IER3IP1: variants seen among roughly 807,000 people sequenced by gnomAD.
IER3IP1 encodes the protein immediate early response 3-interacting protein 1.
Under a neutral mutation model 12.2 loss-of-function variants are expected in IER3IP1, and 16 were observed. That is an observed-to-expected ratio of 1.31 (90% CI 0.89 to 1.99). The LOEUF is 1.99. Ranked by LOEUF, IER3IP1 falls within the 30% of genes most tolerant of loss-of-function variation. IER3IP1 has a pLI of 0.00. For synonymous variants in IER3IP1, 42 were observed against 40.0 expected (o/e 1.05, Z -0.19); for missense variants, 95 against 95.8 (o/e 0.99, Z 0.03).
At position 47,165,413 on chromosome 18, in the gene IER3IP1, C is replaced by T. The variant is rs118109096; in HGVS notation, c.92-7876G>A. On this transcript the variant is annotated intron_variant, in intron 1 of 2. Transcript: ENST00000256433. ...ACTAAAACTACTAAAATTATCTGGG[C>T]GTGGTAGCATGTGCCTGTAATCTCA... 3.1e-3 allele frequency among the ~76,000 whole-genome samples: 477 copies of T among 152,066 alleles called. 9 individuals carry two copies. The East Asian group carries it at 0.058, about 19-fold the overall frequency.
chr18:47,175,624 G>C (rs924573992), intron 1 of IER3IP1, among the ~76,000 whole-genome samples: 1 of 151,968 alleles, frequency 6.6e-6, no homozygotes, highest in South Asian at 2.1e-4. Context: ...CACCACGTCC[G>C]GCTAATCTTT....
chr18:47,174,696 C>T (rs2064026175), intron 1 of IER3IP1, among the ~76,000 whole-genome samples: 1 of 151,710 alleles, frequency 6.6e-6, no homozygotes, highest in South Asian at 2.1e-4. Flanking sequence ...GGTCTTCCCA[C>T]ATCCACTGCT....
chr18:47,159,716 T>C (rs2063973501), intron 1 of IER3IP1, among the ~76,000 whole-genome samples: 1 of 152,252 alleles, frequency 6.6e-6, no homozygotes, highest in African/African-American at 2.4e-5. Context: ...TAAGAGCTGG[T>C]TGGCTTTCTC....
chr18:47,175,434 C>T (rs2144442484), intron 1 of IER3IP1, among the ~76,000 whole-genome samples: 1 of 149,726 alleles, frequency 6.7e-6, no homozygotes, highest in South Asian at 2.2e-4. Context: ...GGTCACGCCT[C>T]CTTCCCCTCC....
At chr18:47,173,078 T>C (rs1376738303) in intron 1 of IER3IP1, among the ~76,000 whole-genome samples, 1 of 152,224 alleles carries the variant, frequency 6.6e-6, no homozygotes, top group Non-Finnish European at 1.5e-5. Context: ...CCCTAATTCG[T>C]GCTGCTGTTC....
At chr18:47,166,918 T>C (rs2063997772) in intron 1 of IER3IP1, among the ~76,000 whole-genome samples, 1 of 152,180 alleles carries the variant, frequency 6.6e-6, no homozygotes, top group Non-Finnish European at 1.5e-5. Context: ...TTCCCTTAAT[T>C]TGGAGACCAC....
At chr18:47,175,184 C>G (rs2064028334) in intron 1 of IER3IP1, among the ~76,000 whole-genome samples, 1 of 152,298 alleles carries the variant, frequency 6.6e-6, no homozygotes, top group East Asian at 1.9e-4. Flanking sequence ...AACGGGCATA[C>G]TTGGTACACA....
chr18:47,164,404 A>C (rs1463384573), intron 1 of IER3IP1, among the ~76,000 whole-genome samples: 3 of 152,220 alleles, frequency 2.0e-5, no homozygotes, highest in Non-Finnish European at 4.4e-5. Flanking sequence ...TACTAAAACA[A>C]ATAGTTTACC....
intron 1 of IER3IP1, among the ~76,000 whole-genome samples, chr18:47,163,232 G>C (rs2571023): frequency 6.6e-6 from 1 of 152,094 alleles, no homozygotes; most frequent in African/African-American, 2.4e-5. Context: ...TTACACTTTA[G>C]GGTCATTATT....
At chr18:47,157,326 GAA>G in intron 2 of IER3IP1, 108 bp downstream of exon 2, 1 of 834,898 alleles carries the variant, frequency 1.2e-6, no homozygotes, top group Non-Finnish European at 1.9e-6. Context: ...ATGTTAAAGA[GAA>G]AAAAAATTCC....
rs1190634583 is a variant in IER3IP1 at position 47,154,716 on chromosome 18, G to A, written c.*1461C>T. Reference sequence around the variant, plus strand: ...CCAAGTAATCAACTAAGAATCCTTGGTACTTTCCTTGGACTAGCTGCAAGC... The same window carrying A: ...CCAAGTAATCAACTAAGAATCCTTGATACTTTCCTTGGACTAGCTGCAAGC... On this transcript the variant is annotated 3_prime_UTR_variant, in exon 3 of 3. Coordinates refer to ENST00000256433, the MANE Select transcript of IER3IP1 (RefSeq NM_016097.5). The A allele has an allele frequency of 1.3e-5, 2 of 152,104 alleles. No individual in the cohort carries two copies. Among genetic ancestry groups the A allele is most frequent in the Admixed American group, 1.3e-4 (2 of 15,274 alleles). 9.4% of individuals were successfully genotyped at this position (152,104 alleles called of 1,614,324 possible).
rs2063946323 is a variant in IER3IP1 at position 47,153,151 on chromosome 18, C to T, written c.*3026G>A. On this transcript the variant is annotated 3_prime_UTR_variant, in exon 3 of 3. Coordinates refer to ENST00000256433, the MANE Select transcript of IER3IP1 (RefSeq NM_016097.5). ...ATACACATCTAACACATATAGAACA[C>T]AGATTGCCTACTCTTATTGTATCTA... is the stretch of plus-strand genomic sequence containing the variant. The T allele has an allele frequency of 6.6e-6, 1 of 152,200 alleles. No individual in the cohort carries two copies. Among genetic ancestry groups the T allele is most frequent in the African/African-American group, 2.4e-5 (1 of 41,446 alleles). 9.4% of individuals were successfully genotyped at this position (152,200 alleles called of 1,614,324 possible). A position where few individuals can be genotyped will look rare whatever the true frequency, so the allele number is the denominator to read the frequency against.
chr18:47,171,272 T>A (rs564331689), intron 1 of IER3IP1, among the ~76,000 whole-genome samples: 1 of 152,344 alleles, frequency 6.6e-6, no homozygotes, highest in African/African-American at 2.4e-5. Flanking sequence ...AGATTTAGTC[T>A]GCCAGTATTT....
rs1453800970 is a variant in IER3IP1 at position 47,172,475 on chromosome 18, T to C, written c.91+3712A>G. 6.6e-6 allele frequency among the ~76,000 whole-genome samples: 1 copy of C among 152,118 alleles called. No individual in the cohort carries two copies. Among genetic ancestry groups the C allele is most frequent in the Middle Eastern group, 3.2e-3 (1 of 316 alleles). On this transcript the variant is annotated intron_variant, in intron 1 of 2. Transcript: ENST00000256433. The surrounding 1 kb of genome is among the most constrained non-coding windows in gnomAD (Gnocchi z 4.0). ...TTACAGTAGTCCTCCCCCTTAATCT[T>C]GGAGATACACTTCAAGATTCCACAG...
At position 47,176,201 on chromosome 18, in the gene IER3IP1, C is replaced by T. The variant is rs1477803607; in HGVS notation, c.77G>A (p.Arg26Gln). ...GTCCCACTCACTGTTCTTGAGGAAT[C>T]GCTCCTCGTGCAGCACTGCGATGGC... is the stretch of plus-strand genomic sequence containing the variant. ...VNAIAVLHEE[R>Q]FLKNIGWGTD... Residue 26 changes from arginine to glutamine, a missense_variant, in exon 1 of 3, where the codon CGA (arginine) becomes CAA (glutamine). By Grantham distance (43) the Arg-to-Gln change is conservative. Transcript: ENST00000256433. 1 of 1,599,624 alleles carries T rather than the reference C, an allele frequency of 6.3e-7. No homozygotes were observed. Among genetic ancestry groups the T allele is most frequent in the Admixed American group, 1.7e-5 (1 of 58,434 alleles).
At chr18:47,160,132 T>C (rs960053711) in intron 1 of IER3IP1, among the ~76,000 whole-genome samples, 6 of 151,152 alleles carry the variant, frequency 4.0e-5, no homozygotes, top group African/African-American at 1.5e-4. Context: ...GAGGTGGAGG[T>C]TGTGGTGAGC....
chr18:47,175,691 G>C lies in IER3IP1; in HGVS notation c.91+496C>G, dbSNP rs114484133. Among the ~76,000 whole-genome samples the C allele has an allele frequency of 5.1e-3, 771 of 152,106 alleles. 5 individuals are homozygous for C. Among genetic ancestry groups the C allele is most frequent in the African/African-American group, 0.017 (700 of 41,492 alleles). On this transcript the variant is annotated intron_variant, in intron 1 of 2. Coordinates refer to ENST00000256433, the MANE Select transcript of IER3IP1 (RefSeq NM_016097.5). ...TTGGCCAGGCTGGTCCCAAACTCCT[G>C]ACATCATGATCCGCCGGCCTCGGCC...
In IER3IP1 at chr18:47,156,057, G is replaced by C. The variant is rs950876202; in HGVS notation, c.*120C>G. ...AATAGAAACCCTGGTTTTATTTTCA[G>C]CTTTACATTTTTGACAAGTGCAAGG... On this transcript the variant is annotated 3_prime_UTR_variant, in exon 3 of 3. Transcript: ENST00000256433. The C allele has an allele frequency of 1.7e-5, 12 of 687,084 alleles. No individual in the cohort carries two copies. The African/African-American group carries it at 2.0e-4, about 12-fold the overall frequency. The allele number at this position is 687,084 out of a possible 1,614,324, so 42.6% of individuals were successfully genotyped here.
intron 1 of IER3IP1, among the ~76,000 whole-genome samples, chr18:47,169,981 C>T (rs763911385): frequency 2.6e-5 from 4 of 152,088 alleles, no homozygotes; most frequent in Non-Finnish European, 4.4e-5. Flanking sequence ...CTTCTGGTAT[C>T]GTATCTGAGA....
Sources: gnomAD v4.1 joint callset for allele counts (sites outside exome capture counted in the v4.1 genomes callset) on GRCh38, gnomAD v4.1.1 for gene constraint, Gnocchi (gnomAD v3.1) non-coding constraint, MANE v1.5 for transcripts, NCBI Gene and HGNC (gene_info 2026-07-23, HGNC 2026-07-21) for gene names.